The following ASIC2 variants were observed in gnomAD, a reference collection of about 807,000 sequenced individuals.
The protein encoded by ASIC2 is acid-sensing ion channel 2.
In ASIC2, 25 loss-of-function variants were observed where a neutral mutation model predicts 57.3. That is an observed-to-expected ratio of 0.44 (90% CI 0.32 to 0.61). ASIC2 has a LOEUF of 0.61. ASIC2 is among the 20% of genes least tolerant of loss of function. ASIC2 has a pLI of 0.06. For synonymous variants in ASIC2, 319 were observed against 307.5 expected, an observed-to-expected ratio of 1.04 and a Z score of -0.39; for missense variants, 641 against 738.1, an observed-to-expected ratio of 0.87 and a Z score of 1.52.
In ASIC2 at chr17:33,344,166, TTC is replaced by T. The variant is rs1205087977; in HGVS notation, c.556-232101_556-232100del. On this transcript the variant is annotated intron_variant, in intron 1 of 9. Coordinates refer to the ASIC2 transcript ENST00000359872. ...GATCATGTTTCAACCATCTTTGTAATTCTCTGTCATGCATTCCCCAGTGCCCA... is the reference window on the plus strand; with the variant it reads ...GATCATGTTTCAACCATCTTTGTAATTCTGTCATGCATTCCCCAGTGCCCA... 2.0e-5 allele frequency among the ~76,000 whole-genome samples: 3 copies of T among 152,200 alleles called. No individual in the cohort carries two copies. In the East Asian group the frequency reaches 5.8e-4, roughly 29 times the overall value.
At chr17:33,782,812 A>G (rs1348222564) in intron 1 of ASIC2, among the ~76,000 whole-genome samples, 1 of 152,304 alleles carries the variant, frequency 6.6e-6, no homozygotes, top group East Asian at 1.9e-4. Flanking sequence ...GCCTTCCTAC[A>G]TGCTGAGAAG....
intron 1 of ASIC2, among the ~76,000 whole-genome samples, chr17:33,432,025 G>A (rs1486118641): frequency 1.3e-5 from 2 of 152,186 alleles, no homozygotes; most frequent in African/African-American, 2.4e-5. Context: ...AAAGAAAGAA[G>A]TCACTTCAGA....
chr17:33,829,195 T>A (rs1182086872), intron 1 of ASIC2, among the ~76,000 whole-genome samples: 1 of 151,806 alleles, frequency 6.6e-6, no homozygotes, highest in Non-Finnish European at 1.5e-5. Flanking sequence ...AAGGAGAGAG[T>A]TGATGAGATC....
intron 1 of ASIC2, among the ~76,000 whole-genome samples, chr17:33,973,377 T>A (rs1352695187): frequency 1.3e-5 from 2 of 152,056 alleles, no homozygotes; most frequent in Non-Finnish European, 2.9e-5. Flanking sequence ...AAGCTGCCAT[T>A]GTTGGGGGCG....
At chr17:34,055,859 A>G (rs1190626782) in intron 1 of ASIC2, among the ~76,000 whole-genome samples, 2 of 152,210 alleles carry the variant, frequency 1.3e-5, no homozygotes, top group Admixed American at 6.5e-5. Context: ...CTGTAGACAT[A>G]TGTTTTTGTT....
At chr17:34,115,857 A>T (rs1217857882) in intron 1 of ASIC2, among the ~76,000 whole-genome samples, 1 of 152,242 alleles carries the variant, frequency 6.6e-6, no homozygotes, top group Non-Finnish European at 1.5e-5. Context: ...GCAAGAGTAC[A>T]TATAACTACA....
chr17:33,552,842 T>G (rs564389789), intron 1 of ASIC2, among the ~76,000 whole-genome samples: 2 of 152,334 alleles, frequency 1.3e-5, no homozygotes, highest in African/African-American at 4.8e-5. Context: ...ATTCTGTTAG[T>G]GCAATGGGCA....
chr17:33,790,034 G>A (rs1347937235), intron 1 of ASIC2, among the ~76,000 whole-genome samples: 5 of 152,212 alleles, frequency 3.3e-5, no homozygotes, highest in African/African-American at 1.2e-4. Context: ...ATGAGACATG[G>A]AAAGTTGTAT....
intron 1 of ASIC2, among the ~76,000 whole-genome samples, chr17:34,042,772 A>T (rs2142047153): frequency 6.6e-6 from 1 of 152,336 alleles, no homozygotes; most frequent in South Asian, 2.1e-4. Flanking sequence ...AATTTAGTTG[A>T]GATTTAGTTT....
At chr17:33,678,741 G>A (rs562695561) in intron 1 of ASIC2, among the ~76,000 whole-genome samples, 25 of 152,250 alleles carry the variant, frequency 1.6e-4, no homozygotes, top group African/African-American at 6.0e-4. Flanking sequence ...GTGCACAGGA[G>A]CAGCTGCATC....
At chr17:34,011,207 A>G (rs1906743680) in intron 1 of ASIC2, among the ~76,000 whole-genome samples, 4 of 151,734 alleles carry the variant, frequency 2.6e-5, no homozygotes, top group African/African-American at 7.3e-5. Context: ...ATAGACATAT[A>G]CAGACACAGA....
intron 1 of ASIC2, among the ~76,000 whole-genome samples, chr17:33,895,965 C>T (rs1427370930): frequency 6.6e-6 from 1 of 152,012 alleles, no homozygotes; most frequent in African/African-American, 2.4e-5. Context: ...ATGGAGACAA[C>T]AGCAGCTGCC....
At chr17:33,444,584 G>T (rs1567862885) in intron 1 of ASIC2, among the ~76,000 whole-genome samples, 1 of 145,654 alleles carries the variant, frequency 6.9e-6, no homozygotes, top group Admixed American at 7.0e-5. Flanking sequence ...TCCCTCCCCC[G>T]GTTGGGATTT....
At chr17:33,476,351 TC>T (rs1049127299) in intron 1 of ASIC2, among the ~76,000 whole-genome samples, 21 of 152,274 alleles carry the variant, frequency 1.4e-4, no homozygotes, top group Admixed American at 2.6e-4. Context: ...GGTTACTAAA[TC>T]TTATTCCACT....
intron 1 of ASIC2, among the ~76,000 whole-genome samples, chr17:33,738,179 G>A (rs1909983859): frequency 6.6e-6 from 1 of 152,112 alleles, no homozygotes; most frequent in South Asian, 2.1e-4. Flanking sequence ...CTTCTTCATT[G>A]AGAGAACATC....
chr17:33,522,712 T>C (rs1448114485), intron 1 of ASIC2, among the ~76,000 whole-genome samples: 1 of 152,222 alleles, frequency 6.6e-6, no homozygotes, highest in Admixed American at 6.5e-5. Context: ...CCCTAGATTA[T>C]AACTTTGAAA....
chr17:33,299,181 T>G (rs1188132651), intron 1 of ASIC2, among the ~76,000 whole-genome samples: 3 of 151,748 alleles, frequency 2.0e-5, no homozygotes, highest in Non-Finnish European at 4.4e-5. Context: ...CAACCTGACT[T>G]CAAACTATAC....
chr17:33,297,944 C>T (rs979545236), upstream of ASIC2, among the ~76,000 whole-genome samples: 29 of 141,144 alleles, frequency 2.1e-4, no homozygotes, highest in African/African-American at 7.7e-4. Flanking sequence ...CTCTTTTTTC[C>T]CCTTTCTCTG....
At chr17:33,137,619 G>C (rs2092371522) in intron 1 of ASIC2, among the ~76,000 whole-genome samples, 1 of 152,214 alleles carries the variant, frequency 6.6e-6, no homozygotes, top group African/African-American at 2.4e-5. Flanking sequence ...TGTTGGTTGA[G>C]AGCTACTCTT....
Sources: gnomAD v4.1 joint callset for allele counts (sites outside exome capture counted in the v4.1 genomes callset) on GRCh38, gnomAD v4.1.1 for gene constraint, MANE v1.5 for transcripts, NCBI Gene and HGNC (gene_info 2026-07-23, HGNC 2026-07-21) for gene names.